Variants in LIG4 observed in about 807,000 individuals in gnomAD.
The protein encoded by LIG4 is DNA joinase.
LIG4 carries 13 observed loss-of-function variants against 19.0 expected under a neutral mutation model. The observed-to-expected ratio is 0.68, with a 90% CI of 0.44 to 1.09. The LOEUF (loss-of-function observed/expected upper bound fraction) is 1.09. LIG4 is among the 50% of genes least tolerant of loss of function. LIG4 has a pLI of 0.00. For synonymous variants in LIG4, 361 were observed against 358.2 expected, an observed-to-expected ratio of 1.01 and a Z score of -0.09; for missense variants, 1,026 against 1,089.7, an observed-to-expected ratio of 0.94 and a Z score of 0.82.
In LIG4 at chr13:108,208,723, C is replaced by T. The variant is rs771056667; in HGVS notation, c.2546G>A (p.Gly849Glu). 3 of 1,614,178 alleles carry T rather than the reference C, an allele frequency of 1.9e-6. No individual in the cohort carries two copies. The highest frequency in any genetic ancestry group is 2.5e-6 in the Non-Finnish European group (3 of 1,180,036). Reference protein sequence around the residue: ...AIKALELRFHGAKVVSCLAEG... With the variant: ...AIKALELRFHEAKVVSCLAEG... ...AGCTAAACAAGAAACTACTTTTGCT[C>T]CATGAAACCGAAGCTCCAAGGCTTT... Residue 849 changes from glycine (G) to glutamate (E), a missense_variant, in exon 3 of 3, where the codon GGA becomes GAA. Gly to Glu is a moderately conservative substitution (Grantham distance 98). Transcript: ENST00000442234.
At position 108,209,687 on chromosome 13, in the gene LIG4, G is replaced by A; in HGVS notation, c.1582C>T (p.Pro528Ser). ...LGLKLAKYWK[P>S]FHRKAPPSSI... ...CTTGGTGGAGCTTTTCTATGAAAAG[G>A]CTTCCAATACTTGGCCAATTTCAAA... The change falls in exon 3 of 3, where the codon CCT (proline) becomes TCT (serine). Residue 528 changes from proline (P) to serine (S), a missense_variant. Transcript: ENST00000442234. 5 of 1,613,988 alleles carry A rather than the reference G, an allele frequency of 3.1e-6. No individual in the cohort carries two copies. Among genetic ancestry groups the A allele is most frequent in the Non-Finnish European group, 4.2e-6 (5 of 1,179,990 alleles).
intron 2 of LIG4, among the ~76,000 whole-genome samples, chr13:108,212,042 T>G (rs575163612): frequency 6.6e-6 from 1 of 152,090 alleles, no homozygotes; most frequent in Admixed American, 6.6e-5. Flanking sequence ...AAGTATAAAT[T>G]TATTAGTATG....
upstream of LIG4, among the ~76,000 whole-genome samples, chr13:108,217,133 C>T (rs1420176274): frequency 6.6e-6 from 1 of 152,144 alleles, no homozygotes; most frequent in East Asian, 1.9e-4. Flanking sequence ...AATCCCAGCA[C>T]TTTAAGAGGC....
chr13:108,216,935 G>A (rs1225902372), upstream of LIG4, among the ~76,000 whole-genome samples: 1 of 152,140 alleles, frequency 6.6e-6, no homozygotes, highest in African/African-American at 2.4e-5. Context: ...ATCTTCTAGA[G>A]TTGCCATGAT....
chr13:108,211,902 C>T (rs1384317547), intron 2 of LIG4, among the ~76,000 whole-genome samples: 14 of 152,278 alleles, frequency 9.2e-5, no homozygotes, highest in South Asian at 8.3e-4. Flanking sequence ...ACAAAGCCTA[C>T]GTCTATGTTT....
At chr13:108,212,442 T>C (rs980924303) in intron 2 of LIG4, among the ~76,000 whole-genome samples, 8 of 152,168 alleles carry the variant, frequency 5.3e-5, no homozygotes, top group African/African-American at 1.9e-4. Flanking sequence ...GGAAGATAAA[T>C]ATATTAGAGT....
rs571006514 is a variant in LIG4, at chr13:108,208,088, T to C, written c.*445A>G. The C allele has an allele frequency of 6.5e-6, 1 of 154,078 alleles. No homozygotes were observed. The highest frequency in any genetic ancestry group is 1.9e-4 in the East Asian group (1 of 5,222). 9.5% of individuals were successfully genotyped at this position (154,078 alleles called of 1,614,324 possible). On this transcript the variant is annotated 3_prime_UTR_variant, in exon 3 of 3. Coordinates refer to ENST00000442234, the MANE Select transcript of LIG4 (RefSeq NM_206937.2). ...AAAGACATATTTTTACAAGTCCAGCTGTAACAATTCTACCCTATTTTCTTG... is the reference window on the plus strand; with the variant it reads ...AAAGACATATTTTTACAAGTCCAGCCGTAACAATTCTACCCTATTTTCTTG...
intron 2 of LIG4, 125 bp from the exon 3 acceptor site, chr13:108,211,421 A>G (rs1878659163): frequency 1.5e-6 from 1 of 680,696 alleles, no homozygotes; most frequent in African/African-American, 1.8e-5. Context: ...TAAAAAAAAG[A>G]TCAATGCTCT....
In LIG4 at chr13:108,209,298, A is replaced by G. The variant is rs764483419; in HGVS notation, c.1971T>C (p.Asn657=). The part of the protein sequence containing the change: ...PNLTNVNKIS[N]IFEDVEFCVM... ...CACAAAACTCTACATCTTCAAATAT[A>G]TTAGAAATTTTGTTAACGTTAGTAA... Residue 657 remains asparagine, a synonymous_variant, in exon 3 of 3, where the codon AAT becomes AAC. Transcript: ENST00000442234. 8.7e-6 allele frequency: 14 copies of G among 1,614,102 alleles called. No homozygotes were observed. The highest frequency in any genetic ancestry group is 1.1e-5 in the Non-Finnish European group (13 of 1,179,976).
Position 108,208,630 on chromosome 13 carries a change from C to T in LIG4, c.2639G>A (p.Arg880Lys), listed in dbSNP as rs1222489508. The T allele has an allele frequency of 6.2e-7, 1 of 1,613,216 alleles. No individual in the cohort carries two copies. The change falls in exon 3 of 3, where the codon AGA becomes AAA. Residue 880 changes from arginine (R) to lysine (K), a missense_variant. By Grantham distance (26) the Arg-to-Lys change is conservative. Transcript: ENST00000442234. ...SRVADFKAFR[R>K]TFKRKFKILK... Reference sequence around the variant, plus strand: ...GATTTTAAACTTTCTCTTAAAAGTTCTTCTAAAAGCTTTAAAATCTGCAAC... The same window carrying T: ...GATTTTAAACTTTCTCTTAAAAGTTTTTCTAAAAGCTTTAAAATCTGCAAC...
chr13:108,212,762 A>AT (rs981379916), intron 2 of LIG4, among the ~76,000 whole-genome samples: 5 of 151,570 alleles, frequency 3.3e-5, no homozygotes, highest in African/African-American at 1.2e-4. Context: ...ACAATACTAC[A>AT]TTTACTATAC....
chr13:108,211,397 T>C (rs1566368733), intron 2 of LIG4, 101 bp from the exon 3 acceptor site: 4 of 737,020 alleles, frequency 5.4e-6, no homozygotes, highest in Non-Finnish European at 6.9e-6. Flanking sequence ...TAATAAATGT[T>C]TATTAATGTT....
At position 108,210,308 on chromosome 13, in the gene LIG4, C is replaced by T. The variant is rs754282095; in HGVS notation, c.961G>A (p.Ala321Thr). ...LTPFIHNAFK[A>T]DIQICILDGE... ...TCAAGAATACAGATTTGTATATCTG[C>T]TTTGAATGCATTATGAATGAATGGG... The change falls in exon 3 of 3, where the codon GCA (alanine) becomes ACA (threonine). Residue 321 changes from alanine to threonine, a missense_variant. By Grantham distance (58) the Ala-to-Thr change is moderately conservative. Coordinates refer to ENST00000442234, the MANE Select transcript of LIG4 (RefSeq NM_206937.2). 1.9e-6 allele frequency: 3 copies of T among 1,613,896 alleles called. No individual in the cohort carries two copies. Among genetic ancestry groups the T allele is most frequent in the Non-Finnish European group, 1.7e-6 (2 of 1,179,876 alleles).
upstream of LIG4, chr13:108,215,607 C>A (rs944565011): frequency 6.6e-6 from 1 of 151,128 alleles, no homozygotes; most frequent in Admixed American, 6.6e-5. Context: ...CGGGCTCAAG[C>A]ACGCCGGCGC....
At chr13:108,212,050 A>C (rs1878718147) in intron 2 of LIG4, among the ~76,000 whole-genome samples, 1 of 152,114 alleles carries the variant, frequency 6.6e-6, no homozygotes, top group South Asian at 2.1e-4. Context: ...ATTTATTAGT[A>C]TGCTGCTTTT....
intron 2 of LIG4, 93 bp from the exon 3 acceptor site, chr13:108,211,389 A>G: frequency 2.6e-6 from 2 of 771,854 alleles, no homozygotes; most frequent in Non-Finnish European, 4.4e-6. Flanking sequence ...TGAGATCATA[A>G]TAAATGTTTA....
rs763222026 is a variant in LIG4 at position 108,209,559 on chromosome 13, A to G, written c.1710T>C (p.Tyr570=). The G allele has an allele frequency of 1.1e-5, 18 of 1,614,062 alleles. No individual in the cohort carries two copies. In the Middle Eastern group the frequency reaches 1.3e-3, roughly 118 times the overall value. ...KAAEIVPSDM[Y]KTGCTLRFPR... ...GAAAACGCAAGGTGCAGCCAGTTTT[A>G]TACATATCACTGGGTACGATCTCTG... is the stretch of plus-strand genomic sequence containing the variant. Residue 570 remains tyrosine, a synonymous_variant, in exon 3 of 3, where the codon TAT becomes TAC. Coordinates refer to ENST00000442234, the MANE Select transcript of LIG4 (RefSeq NM_206937.2).
chr13:108,212,675 C>T (rs747780485), intron 2 of LIG4, among the ~76,000 whole-genome samples: 2 of 150,840 alleles, frequency 1.3e-5, no homozygotes, highest in Admixed American at 6.7e-5. Flanking sequence ...TCTTCCAATT[C>T]GCAAACAAAT....
Position 108,209,875 on chromosome 13 carries a change from A to C in LIG4, c.1394T>G (p.Leu465Ter). Residue 465 changes from leucine to a stop codon, truncating the protein, a stop_gained, in exon 3 of 3, where the codon TTA (leucine) becomes TGA (stop). Transcript: ENST00000442234. LOFTEE classifies it low-confidence loss of function (END_TRUNC). The stretch of plus-strand genomic sequence containing the variant: ...TTTACCCCAATATCCTCCAACAATT[A>C]AAATGTCCAATTCATCCATTAGTCC... ...VSGLMDELDI[L>*]IVGGYWGKGS... The C allele has an allele frequency of 6.2e-7, 1 of 1,614,188 alleles. No individual in the cohort carries two copies. Among genetic ancestry groups the C allele is most frequent in the Non-Finnish European group, 8.5e-7 (1 of 1,180,024 alleles).
Sources: allele counts gnomAD v4.1 joint callset (sites outside exome capture counted in the v4.1 genomes callset), GRCh38; gene constraint gnomAD v4.1.1; transcripts MANE v1.5; gene names NCBI Gene and HGNC (gene_info 2026-07-23, HGNC 2026-07-21).